DLGAP2: variants seen among roughly 807,000 people sequenced by gnomAD.
DLGAP2 encodes the protein disks large-associated protein 2.
A neutral mutation model predicts 100.3 loss-of-function variants in DLGAP2; 26 were observed. The observed-to-expected ratio is 0.26, with a 90% CI of 0.19 to 0.36. The LOEUF (loss-of-function observed/expected upper bound fraction) is 0.36. Ranked by LOEUF, DLGAP2 falls within the 10% of genes least tolerant of loss-of-function variation. The probability of loss-of-function intolerance (pLI) is 1.00; values close to 1 mark genes in which losing one functional copy is unlikely to be tolerated. For synonymous variants in DLGAP2, 886 were observed against 630.1 expected (o/e 1.41, Z -6.08); for missense variants, 1,858 against 1,453.2 (o/e 1.28, Z -4.53).
At chr8:1,362,809 C>G (rs75516700) in intron 3 of DLGAP2, among the ~76,000 whole-genome samples, 1 of 152,246 alleles carries the variant, frequency 6.6e-6, no homozygotes, top group Non-Finnish European at 1.5e-5. Context: ...GAGGCGCGAC[C>G]GCCTGGGCTT....
chr8:901,123 A>C (rs890324235), intron 1 of DLGAP2, among the ~76,000 whole-genome samples: 3 of 152,198 alleles, frequency 2.0e-5, no homozygotes, highest in African/African-American at 7.2e-5. Flanking sequence ...ATCTTTAAAA[A>C]AAATTGTTTT....
intron 3 of DLGAP2, among the ~76,000 whole-genome samples, chr8:1,460,577 G>A (rs968734409): frequency 9.9e-5 from 15 of 152,280 alleles, no homozygotes; most frequent in African/African-American, 3.6e-4. Context: ...CTTCACTGAT[G>A]GTTTTCGTGA....
intron 3 of DLGAP2, among the ~76,000 whole-genome samples, chr8:1,382,346 G>C (rs753101508): frequency 6.6e-6 from 1 of 152,224 alleles, no homozygotes; most frequent in Non-Finnish European, 1.5e-5. Context: ...ACAGTCTCAG[G>C]GTGGCAGAGG....
At chr8:1,028,000 C>T (rs1243641270) in intron 2 of DLGAP2, among the ~76,000 whole-genome samples, 1 of 146,094 alleles carries the variant, frequency 6.8e-6, no homozygotes, top group African/African-American at 2.6e-5. Context: ...CATTATTCTC[C>T]AGGAGCAGTG....
chr8:1,300,665 G>C (rs1303923701), intron 3 of DLGAP2: 1 of 152,256 alleles, frequency 6.6e-6, no homozygotes, highest in Admixed American at 6.5e-5. Flanking sequence ...TGACATCTAA[G>C]CTGCAGCTTC....
intron 2 of DLGAP2, among the ~76,000 whole-genome samples, chr8:1,103,136 C>G (rs1178761129): frequency 6.6e-6 from 1 of 151,982 alleles, no homozygotes; most frequent in Non-Finnish European, 1.5e-5. Context: ...GAGTCTGACT[C>G]TGGTGGAGGT....
intron 2 of DLGAP2, among the ~76,000 whole-genome samples, chr8:932,465 TGA>T (rs1798981267): frequency 6.6e-6 from 1 of 152,256 alleles, no homozygotes; most frequent in Non-Finnish European, 1.5e-5. Context: ...GGTTTTGTGC[TGA>T]GTTTTGTTTT....
intron 5 of DLGAP2, among the ~76,000 whole-genome samples, chr8:1,562,910 G>C (rs1472948214): frequency 1.2e-5 from 1 of 83,052 alleles, no homozygotes; most frequent in African/African-American, 5.5e-5. Flanking sequence ...TGTGGTGTTG[G>C]GGTGTCCGTG....
In DLGAP2 at chr8:1,065,208, C is replaced by G. The variant is rs183406720; in HGVS notation, c.73+157242C>G. Among the ~76,000 whole-genome samples the G allele has an allele frequency of 2.9e-3, 446 of 152,326 alleles. 2 individuals are homozygous for G. The highest frequency in any genetic ancestry group is 0.02 in the Middle Eastern group (6 of 294). Reference sequence around the variant, plus strand: ...GTTCGCTGAAGCTGTGTCTAAACCTCTGACTCAGTAAGGTCTTTTTAAAGA... The same window carrying G: ...GTTCGCTGAAGCTGTGTCTAAACCTGTGACTCAGTAAGGTCTTTTTAAAGA... On this transcript the variant is annotated intron_variant, in intron 2 of 14. Coordinates refer to ENST00000637795, the MANE Select transcript of DLGAP2 (RefSeq NM_001346810.2).
At chr8:1,237,206 T>C (rs1408206807) in intron 2 of DLGAP2, among the ~76,000 whole-genome samples, 17 of 126,746 alleles carry the variant, frequency 1.3e-4, no homozygotes, top group East Asian at 7.2e-4. Context: ...TCTCACGTGG[T>C]GCCGTGTCTA....
At chr8:1,211,904 A>G (rs10111585) in intron 2 of DLGAP2, among the ~76,000 whole-genome samples, 83,764 of 152,138 alleles carry the variant, frequency 0.55, 25,045 homozygotes, top group African/African-American at 0.79. Context: ...AAAAATAAAA[A>G]TAATAATTTG....
chr8:1,419,322 CGTGTGTGT>C lies in DLGAP2; in HGVS notation c.107-82021_107-82014del, dbSNP rs142626887. Reference sequence around the variant, plus strand: ...TGGGATACTATGTTACACTCTGATACGTGTGTGTGTGTGTGTGTGTGTGTGTGTGTAGG... The same window carrying C: ...TGGGATACTATGTTACACTCTGATACGTGTGTGTGTGTGTGTGTGTGTAGG... On this transcript the variant is annotated intron_variant, in intron 3 of 14. Transcript: ENST00000637795. 1.5e-4 allele frequency among the ~76,000 whole-genome samples: 8 copies of C among 54,646 alleles called. No individual in the cohort carries two copies. The East Asian group carries it at 1.8e-3, about 12-fold the overall frequency. The allele number at this position is 54,646 out of a possible 152,430, so 35.8% of individuals were successfully genotyped here. A position where few individuals can be genotyped will look rare whatever the true frequency, so the allele number is the denominator to read the frequency against.
intron 1 of DLGAP2, among the ~76,000 whole-genome samples, chr8:904,813 G>T (rs945395128): frequency 1.3e-5 from 2 of 152,236 alleles, no homozygotes; most frequent in African/African-American, 4.8e-5. Context: ...CGCTGCTGTA[G>T]AACAGGCAGG....
chr8:1,154,468 T>A (rs1796745783), intron 2 of DLGAP2, among the ~76,000 whole-genome samples: 1 of 152,248 alleles, frequency 6.6e-6, no homozygotes, highest in Admixed American at 6.5e-5. Context: ...TTGTGCATAT[T>A]AATGATTTCC....
intron 10 of DLGAP2, among the ~76,000 whole-genome samples, chr8:1,674,384 T>G (rs988532544): frequency 6.6e-6 from 1 of 152,216 alleles, no homozygotes; most frequent in Non-Finnish European, 1.5e-5. Context: ...GTGTCACAAG[T>G]AAATCATGAC....
chr8:1,323,053 C>T (rs1302291325), intron 3 of DLGAP2, among the ~76,000 whole-genome samples: 3 of 148,314 alleles, frequency 2.0e-5, no homozygotes, highest in African/African-American at 7.5e-5. Flanking sequence ...TTTTTTGAGA[C>T]AGAGTCTCGC....
chr8:918,927 G>T (rs1003421500), intron 2 of DLGAP2, among the ~76,000 whole-genome samples: 2 of 152,116 alleles, frequency 1.3e-5, no homozygotes, highest in Non-Finnish European at 2.9e-5. Context: ...GTGCTGTAGG[G>T]TTTTTTGTTG....
At chr8:781,719 A>G (rs779714001) in intron 1 of DLGAP2, among the ~76,000 whole-genome samples, 1 of 152,234 alleles carries the variant, frequency 6.6e-6, no homozygotes, top group Non-Finnish European at 1.5e-5. Flanking sequence ...TTAGAGTCAC[A>G]CAAAGCACAT....
At chr8:1,648,203 G>T (rs1037770910) in intron 8 of DLGAP2, among the ~76,000 whole-genome samples, 1 of 152,158 alleles carries the variant, frequency 6.6e-6, no homozygotes, top group Non-Finnish European at 1.5e-5. Flanking sequence ...CTAACTTAGA[G>T]GACTCTGACG....
Sources: allele counts gnomAD v4.1 joint callset (sites outside exome capture counted in the v4.1 genomes callset), GRCh38; gene constraint gnomAD v4.1.1; transcripts MANE v1.5; gene names NCBI Gene and HGNC (gene_info 2026-07-23, HGNC 2026-07-21).